IFT80: variants seen among roughly 807,000 people sequenced by gnomAD.
IFT80 encodes the protein intraflagellar transport protein 80 homolog.
In IFT80, 79 loss-of-function variants were observed where a neutral mutation model predicts 107.9. That is an observed-to-expected ratio of 0.73 (90% CI 0.61 to 0.88). IFT80 has a LOEUF of 0.88. Ranked by LOEUF, IFT80 falls within the 40% of genes least tolerant of loss-of-function variation. IFT80 has a pLI of 0.00. For missense variants in IFT80, 797 were observed against 914.2 expected (o/e 0.87, Z 1.65); for synonymous variants, 299 against 300.9 (o/e 0.99, Z 0.07).
At chr3:160,341,071 G>A (rs1719859710) in intron 8 of IFT80, among the ~76,000 whole-genome samples, 1 of 151,344 alleles carries the variant, frequency 6.6e-6, no homozygotes, top group Non-Finnish European at 1.5e-5. Context: ...CTGGAGTGCA[G>A]TGGCACAATC....
intron 10 of IFT80, among the ~76,000 whole-genome samples, chr3:160,305,108 C>T (rs111323838): frequency 0.013 from 2,033 of 152,162 alleles, 23 homozygotes; most frequent in Middle Eastern, 0.02. Flanking sequence ...CAGAAAAACC[C>T]ATCCTTAAAT....
chr3:160,393,670 G>T (rs963140842), intron 1 of IFT80, among the ~76,000 whole-genome samples: 1 of 152,038 alleles, frequency 6.6e-6, no homozygotes, highest in African/African-American at 2.4e-5. Context: ...AAAAAAGATG[G>T]TTTTTAAAAA....
intron 5 of IFT80, among the ~76,000 whole-genome samples, chr3:160,372,631 T>C (rs576080927): frequency 2.8e-4 from 42 of 152,350 alleles, no homozygotes; most frequent in African/African-American, 9.6e-4. Flanking sequence ...TCTGTTGAAA[T>C]ACCAAGAGGT....
intron 8 of IFT80, among the ~76,000 whole-genome samples, chr3:160,329,652 T>A (rs869468): frequency 3.9e-5 from 6 of 151,900 alleles, no homozygotes; most frequent in Non-Finnish European, 4.4e-5. Flanking sequence ...AAATTTCCCC[T>A]AGTTTATTAG....
chr3:160,347,381 G>C (rs1720365923), intron 8 of IFT80, among the ~76,000 whole-genome samples: 1 of 152,024 alleles, frequency 6.6e-6, no homozygotes, highest in African/African-American at 2.4e-5. Context: ...CAGCTTAACG[G>C]CTGCTTCAGT....
intron 13 of IFT80, among the ~76,000 whole-genome samples, chr3:160,285,273 T>C (rs1018775754): frequency 2.0e-5 from 3 of 152,198 alleles, no homozygotes; most frequent in Non-Finnish European, 4.4e-5. Context: ...AAAGTGTCTT[T>C]AGACCCTAAT....
rs367986244 is a variant in IFT80 at position 160,374,781 on chromosome 3, C to T, written c.439+1031G>A. ...AAGTAAGATTTATGTTCTAAAGGTA[C>T]ATTTATTACTAAAGTAACAATAAGT... On this transcript the variant is annotated intron_variant, in intron 5 of 19. Transcript: ENST00000326448. Among the ~76,000 whole-genome samples the T allele has an allele frequency of 2.5e-3, 376 of 152,328 alleles. 1 individual carries two copies. The highest frequency in any genetic ancestry group is 8.4e-3 in the African/African-American group (348 of 41,588).
chr3:160,314,618 G>T (rs1337727697), intron 9 of IFT80, among the ~76,000 whole-genome samples: 4 of 152,154 alleles, frequency 2.6e-5, no homozygotes, highest in Admixed American at 2.0e-4. Context: ...AAAAGCCAAA[G>T]AAGCCTCTAA....
intron 8 of IFT80, among the ~76,000 whole-genome samples, chr3:160,349,512 T>C (rs1720525402): frequency 6.6e-6 from 1 of 151,986 alleles, no homozygotes; most frequent in Non-Finnish European, 1.5e-5. Context: ...TCTCAAACAC[T>C]AAATAGAAAT....
intron 5 of IFT80, among the ~76,000 whole-genome samples, chr3:160,371,549 C>A (rs1711531163): frequency 6.6e-6 from 1 of 152,086 alleles, no homozygotes. Context: ...CTCAGATGAT[C>A]CTCTCACCTC....
At chr3:160,382,098 A>G (rs1391351711) in intron 2 of IFT80, among the ~76,000 whole-genome samples, 2 of 152,158 alleles carry the variant, frequency 1.3e-5, no homozygotes, top group Non-Finnish European at 2.9e-5. Context: ...ATAGGTAGGG[A>G]GCAAAGGGAA....
intron 12 of IFT80, among the ~76,000 whole-genome samples, chr3:160,287,794 A>C (rs1321722509): frequency 6.6e-6 from 1 of 152,234 alleles, no homozygotes; most frequent in Non-Finnish European, 1.5e-5. Flanking sequence ...TGAATCAAAT[A>C]TAAATTCTGG....
In IFT80 at chr3:160,259,963, T is replaced by C. The variant is rs551680634; in HGVS notation, c.2224-1328A>G. ...TAAGTAGTATTAAAGCAGAATGAAG[T>C]AATCTCAGTCTGCTTGAACAGATTT... On this transcript the variant is annotated intron_variant, in intron 19 of 19. Coordinates refer to ENST00000326448, the MANE Select transcript of IFT80 (RefSeq NM_020800.3). 1.2e-4 allele frequency among the ~76,000 whole-genome samples: 18 copies of C among 152,326 alleles called. No homozygotes were observed. In the South Asian group the frequency reaches 3.5e-3, roughly 30 times the overall value.
At position 160,380,128 on chromosome 3, in the gene IFT80, G is replaced by A. The variant is rs117942557; in HGVS notation, c.259+1375C>T. On this transcript the variant is annotated intron_variant, in intron 3 of 19. Coordinates refer to ENST00000326448, the MANE Select transcript of IFT80 (RefSeq NM_020800.3). ...GCTCACTGAAACCTCTGCATTCCAG[G>A]TTCAAGCAATTCTCCTATCTCAGCC... 1.1e-3 allele frequency among the ~76,000 whole-genome samples: 165 copies of A among 151,424 alleles called. 3 individuals are homozygous for A. The East Asian group carries it at 0.031, about 28-fold the overall frequency.
Position 160,301,025 on chromosome 3 carries a change from A to G in IFT80, c.1173T>C (p.Gly391=). 6.3e-7 allele frequency: 1 copy of G among 1,583,496 alleles called. No individual in the cohort carries two copies. The change falls in exon 12 of 20, where the codon GGT becomes GGC. Residue 391 remains glycine, a synonymous_variant. Coordinates refer to ENST00000326448, the MANE Select transcript of IFT80 (RefSeq NM_020800.3). ...QAERHFLLVD[G]SSIYLYSYEG... Reference sequence around the variant, plus strand: ...CATATGAATATAAATAGATACTACTACCATCTACAAGAAGAAAATGTCTAA... The same window carrying G: ...CATATGAATATAAATAGATACTACTGCCATCTACAAGAAGAAAATGTCTAA...
At chr3:160,384,345 C>T (rs1428660513) in intron 2 of IFT80, 3 of 1,099,126 alleles carry the variant, frequency 2.7e-6, no homozygotes, top group Admixed American at 4.7e-5. Flanking sequence ...GTAAGAAAAA[C>T]GTCAGTAAGA....
At chr3:160,340,339 G>A (rs1407674968) in intron 8 of IFT80, among the ~76,000 whole-genome samples, 1 of 152,086 alleles carries the variant, frequency 6.6e-6, no homozygotes, top group Non-Finnish European at 1.5e-5. Context: ...TGTTCTATTA[G>A]TGCTGTAACA....
chr3:160,393,079 T>C (rs1400059337), intron 1 of IFT80, among the ~76,000 whole-genome samples: 1 of 152,030 alleles, frequency 6.6e-6, no homozygotes, highest in Non-Finnish European at 1.5e-5. Flanking sequence ...CTCTAAAAAA[T>C]ATAAATTAGA....
At chr3:160,393,517 G>A (rs1243356720) in intron 1 of IFT80, among the ~76,000 whole-genome samples, 1 of 152,154 alleles carries the variant, frequency 6.6e-6, no homozygotes, top group Non-Finnish European at 1.5e-5. Flanking sequence ...CAGGGGCTAG[G>A]GGAAGGAAGA....
Sources: allele counts gnomAD v4.1 joint callset (sites outside exome capture counted in the v4.1 genomes callset), GRCh38; gene constraint gnomAD v4.1.1; transcripts MANE v1.5; gene names NCBI Gene and HGNC (gene_info 2026-07-23, HGNC 2026-07-21).